Variants in TGM6 observed in about 807,000 individuals in gnomAD.
The protein encoded by TGM6 is protein-glutamine gamma-glutamyltransferase 6.
In TGM6, 74 loss-of-function variants were observed where a neutral mutation model predicts 77.5. The observed-to-expected ratio is 0.96, with a 90% confidence interval of 0.79 to 1.16. TGM6 has a LOEUF of 1.16. Ranked by LOEUF, TGM6 falls within the 50% of genes most tolerant of loss-of-function variation. The pLI is 0.00. For synonymous variants in TGM6, 383 were observed against 378.9 expected, an observed-to-expected ratio of 1.01 and a Z score of -0.12; for missense variants, 968 against 940.2, an observed-to-expected ratio of 1.03 and a Z score of -0.39.
At chr20:2,386,279 C>G (rs1374932866) in intron 1 of TGM6, among the ~76,000 whole-genome samples, 1 of 152,108 alleles carries the variant, frequency 6.6e-6, no homozygotes, top group Non-Finnish European at 1.5e-5. Flanking sequence ...AGGTGTGATG[C>G]TGATGGATGT....
At chr20:2,414,669 C>G (rs1316434136) in intron 9 of TGM6, among the ~76,000 whole-genome samples, 1 of 152,072 alleles carries the variant, frequency 6.6e-6, no homozygotes, top group Non-Finnish European at 1.5e-5. Flanking sequence ...AAATACCCAT[C>G]AATAGATAAA....
intron 7 of TGM6, among the ~76,000 whole-genome samples, chr20:2,402,722 A>G (rs1391045960): frequency 6.6e-6 from 1 of 152,000 alleles, no homozygotes; most frequent in Non-Finnish European, 1.5e-5. Flanking sequence ...CATGTTTCCT[A>G]CTCATATTCT....
chr20:2,410,438 T>G (rs112325944), intron 9 of TGM6, among the ~76,000 whole-genome samples: 4 of 152,202 alleles, frequency 2.6e-5, no homozygotes, highest in African/African-American at 9.7e-5. Context: ...TCCAGAGTTA[T>G]ATCCTTCATA....
At chr20:2,387,543 C>T (rs2084604427) in intron 1 of TGM6, among the ~76,000 whole-genome samples, 1 of 152,200 alleles carries the variant, frequency 6.6e-6, no homozygotes, top group Non-Finnish European at 1.5e-5. Flanking sequence ...CCAGCAGGGG[C>T]TTCTGGCCTA....
At chr20:2,394,310 C>T in intron 1 of TGM6, 142 bp from the exon 2 acceptor site, 1 of 1,037,838 alleles carries the variant, frequency 9.6e-7, no homozygotes, top group Non-Finnish European at 1.4e-6. Context: ...AACAAACAAA[C>T]AAACAAACAG....
At chr20:2,430,311 A>T in intron 10 of TGM6, 135 bp from the exon 11 acceptor site, 1 of 1,232,744 alleles carries the variant, frequency 8.1e-7, no homozygotes, top group South Asian at 1.2e-5. Context: ...AGAACCGAGG[A>T]AAATAAAGCC....
In TGM6 at chr20:2,432,579, T is replaced by A; in HGVS notation, c.2057T>A (p.Leu686His). Reference sequence around the variant, plus strand: ...GGCCCAAGGCAGCTGCAGGTGGACCTTGTAAGCCCTCACTTCCCGGACATC... The same window carrying A: ...GGCCCAAGGCAGCTGCAGGTGGACCATGTAAGCCCTCACTTCCCGGACATC... ...KSGPRQLQVD[L>H]VSPHFPDIKG... The change falls in exon 13 of 13, where the codon CTT becomes CAT. Residue 686 changes from leucine to histidine, a missense_variant. Coordinates refer to ENST00000202625, the MANE Select transcript of TGM6 (RefSeq NM_198994.3). 6.2e-7 allele frequency: 1 copy of A among 1,614,124 alleles called. No homozygotes were observed.
Position 2,394,559 on chromosome 20 carries a change from A to T in TGM6, c.115A>T (p.Ser39Cys), listed in dbSNP as rs144201778. 5.2e-4 allele frequency: 840 copies of T among 1,612,204 alleles called. 3 individuals are homozygous for T. Among genetic ancestry groups the T allele is most frequent in the South Asian group, 8.7e-4 (79 of 90,962 alleles). ...ELVVRRGQSF[S>C]LTLELSRALD... ...GGTGGTTCGCAGGGGCCAGTCGTTC[A>T]GCCTCACGCTGGAGCTGAGCAGAGC... Residue 39 changes from serine to cysteine, a missense_variant, in exon 2 of 13, where the codon AGC (serine) becomes TGC (cysteine). Ser to Cys is a moderately radical substitution (Grantham distance 112). Transcript: ENST00000202625.
At chr20:2,386,322 G>A (rs1416343925) in intron 1 of TGM6, among the ~76,000 whole-genome samples, 1 of 152,144 alleles carries the variant, frequency 6.6e-6, no homozygotes, top group African/African-American at 2.4e-5. Context: ...AGCAGCTCCA[G>A]GGACAGATTC....
intron 9 of TGM6, among the ~76,000 whole-genome samples, chr20:2,415,979 C>A (rs750830907): frequency 6.6e-6 from 1 of 152,154 alleles, no homozygotes; most frequent in Non-Finnish European, 1.5e-5. Flanking sequence ...CCATGGACAA[C>A]AAGAGAGTGC....
intron 9 of TGM6, among the ~76,000 whole-genome samples, chr20:2,411,252 C>T (rs982113622): frequency 9.3e-4 from 141 of 152,068 alleles, no homozygotes; most frequent in African/African-American, 3.4e-3. Context: ...ATGAATTCAG[C>T]TTACTGATAA....
At chr20:2,419,267 A>G (rs2084840481) in intron 10 of TGM6, among the ~76,000 whole-genome samples, 1 of 151,816 alleles carries the variant, frequency 6.6e-6, no homozygotes, top group Non-Finnish European at 1.5e-5. Flanking sequence ...CTCCTTTCAC[A>G]TACTTTCTGA....
rs569984525 is a variant in TGM6 at position 2,426,249 on chromosome 20, T to A, written c.1679-4197T>A. Among the ~76,000 whole-genome samples, 7 of 152,228 alleles carry A rather than the reference T, an allele frequency of 4.6e-5. No individual in the cohort carries two copies. In the East Asian group the frequency reaches 1.4e-3, roughly 29 times the overall value. ...TTAAATTAATGCCTAAGTGTTCCAT[T>A]TTTGGTGGTGCTAACATAAGTGGTA... On this transcript the variant is annotated intron_variant, in intron 10 of 12. Transcript: ENST00000202625.
chr20:2,419,500 A>G (rs1446152266), intron 10 of TGM6, among the ~76,000 whole-genome samples: 7 of 152,194 alleles, frequency 4.6e-5, no homozygotes, highest in Non-Finnish European at 4.4e-5. Context: ...AATTTTTTTC[A>G]TATTAAAAGT....
intron 9 of TGM6, 44 bp from the exon 10 acceptor site, chr20:2,417,188 G>A (rs1192807140): frequency 6.5e-7 from 1 of 1,540,506 alleles, no homozygotes; most frequent in Non-Finnish European, 8.8e-7. Context: ...TAAATTAAAG[G>A]AGCAAGGGGG....
At chr20:2,392,477 G>T (rs1214662025) in intron 1 of TGM6, among the ~76,000 whole-genome samples, 2 of 152,158 alleles carry the variant, frequency 1.3e-5, no homozygotes, top group African/African-American at 4.8e-5. Flanking sequence ...CACCTACTTA[G>T]GTGTCACCCC....
intron 10 of TGM6, among the ~76,000 whole-genome samples, chr20:2,418,020 C>T (rs1040304367): frequency 6.6e-6 from 1 of 151,806 alleles, no homozygotes; most frequent in Non-Finnish European, 1.5e-5. Flanking sequence ...TTTTGGTTTT[C>T]GGGTTTTTTT....
At chr20:2,420,876 T>C (rs998025929) in intron 10 of TGM6, among the ~76,000 whole-genome samples, 1 of 152,176 alleles carries the variant, frequency 6.6e-6, no homozygotes, top group Admixed American at 6.5e-5. Context: ...GTACACAGTT[T>C]ATCCATTCAC....
intron 12 of TGM6, among the ~76,000 whole-genome samples, chr20:2,431,550 C>T (rs1454183104): frequency 1.3e-5 from 2 of 152,194 alleles, no homozygotes; most frequent in African/African-American, 4.8e-5. Context: ...TGTACTCTGG[C>T]CCATGTGTAA....
Sources: gnomAD v4.1 joint callset for allele counts (sites outside exome capture counted in the v4.1 genomes callset) on GRCh38, gnomAD v4.1.1 for gene constraint, MANE v1.5 for transcripts, NCBI Gene and HGNC (gene_info 2026-07-23, HGNC 2026-07-21) for gene names.